Variants in IFNAR2 observed in about 807,000 individuals in gnomAD.
IFNAR2 encodes interferon alpha/beta receptor 2.
IFNAR2 carries 30 observed loss-of-function variants against 49.4 expected under a neutral mutation model. The observed-to-expected ratio is 0.61, with a 90% CI of 0.45 to 0.82. The LOEUF is 0.82. IFNAR2 is among the 40% of genes least tolerant of loss of function. IFNAR2 has a pLI of 0.00. For missense variants in IFNAR2, 600 were observed against 622.7 expected, an observed-to-expected ratio of 0.96 and a Z score of 0.39; for synonymous variants, 224 against 234.5, an observed-to-expected ratio of 0.96 and a Z score of 0.41.
intron 7 of IFNAR2, among the ~76,000 whole-genome samples, chr21:33,253,216 G>A (rs1775468786): frequency 1.3e-5 from 2 of 152,168 alleles, no homozygotes; most frequent in African/African-American, 4.8e-5. Flanking sequence ...TGGAAGCAGC[G>A]AGGTTGGGTG....
intron 7 of IFNAR2, among the ~76,000 whole-genome samples, chr21:33,254,707 G>GACC (rs1249389550): frequency 6.6e-6 from 1 of 152,074 alleles, no homozygotes; most frequent in Admixed American, 6.5e-5. Context: ...ATCTACCTAT[G>GACC]ACCTGGAAGC....
At chr21:33,254,309 A>T (rs1988065978) in intron 7 of IFNAR2, among the ~76,000 whole-genome samples, 1 of 152,168 alleles carries the variant, frequency 6.6e-6, no homozygotes, top group Non-Finnish European at 1.5e-5. Flanking sequence ...TTAAAACAGA[A>T]ACCTTAAGAC....
At chr21:33,242,105 C>T (rs1256565233) in intron 2 of IFNAR2, 128 bp downstream of exon 2, 3 of 755,662 alleles carry the variant, frequency 4.0e-6, no homozygotes, top group African/African-American at 1.8e-5. Context: ...TGCCTAGTGT[C>T]AGGAGTTAAG....
At chr21:33,236,931 A>G (rs1055997291) in intron 1 of IFNAR2, 15 of 965,354 alleles carry the variant, frequency 1.6e-5, no homozygotes, top group Non-Finnish European at 1.8e-5. Context: ...AAGGAGCTCC[A>G]TTAACAATTT....
At chr21:33,260,511 TA>T in intron 7 of IFNAR2, 85 bp from the exon 8 acceptor site, 1 of 1,270,258 alleles carries the variant, frequency 7.9e-7, no homozygotes, top group Non-Finnish European at 1.1e-6. Flanking sequence ...GATCATCTTG[TA>T]ACACCAGGCC....
At position 33,263,424 on chromosome 21, in the gene IFNAR2, C is replaced by T. The variant is rs747865261; in HGVS notation, c.1472C>T (p.Ser491Phe). 6 of 1,614,016 alleles carry T rather than the reference C, an allele frequency of 3.7e-6. No homozygotes were observed. The South Asian group carries it at 5.5e-5, about 15-fold the overall frequency. Reference protein sequence around the residue: ...FPSPSSEGLWSEDAPSDQSDT... With the variant: ...FPSPSSEGLWFEDAPSDQSDT... ...AGCCCCTCTTCAGAGGGCCTGTGGT[C>T]CGAAGATGCTCCATCTGATCAAAGT... The change falls in exon 9 of 9, where the codon TCC becomes TTC. Residue 491 changes from serine (S) to phenylalanine (F), a missense_variant. Coordinates refer to ENST00000342136, the MANE Select transcript of IFNAR2 (RefSeq NM_001289125.3).
Position 33,230,959 on chromosome 21 carries a change from C to T in IFNAR2, c.-84+743C>T, listed in dbSNP as rs1986014218. Among the ~76,000 whole-genome samples the T allele has an allele frequency of 6.6e-6, 1 of 152,130 alleles. No individual in the cohort carries two copies. The highest frequency in any genetic ancestry group is 1.5e-5 in the Non-Finnish European group (1 of 68,000). Reference sequence around the variant, plus strand: ...TCCATCAGCCCGTTTATTTGGTTAGCGATGGTTATATTGACTCTGAGTATT... The same window carrying T: ...TCCATCAGCCCGTTTATTTGGTTAGTGATGGTTATATTGACTCTGAGTATT... On this transcript the variant is annotated intron_variant, in intron 1 of 8. Coordinates refer to ENST00000342136, the MANE Select transcript of IFNAR2 (RefSeq NM_001289125.3). This position sits in a 1 kb window ranked among gnomAD's most constrained non-coding sequence, Gnocchi z 5.5.
rs1601799494 is a variant in IFNAR2, at chr21:33,244,985, A to G, written c.132A>G (p.Ser44=). 11 of 1,610,498 alleles carry G rather than the reference A, an allele frequency of 6.8e-6. No homozygotes were observed. Among genetic ancestry groups the G allele is most frequent in the Non-Finnish European group, 9.3e-6 (11 of 1,177,234 alleles). Residue 44 remains serine, a synonymous_variant, in exon 4 of 9, where the codon TCA becomes TCG. Coordinates refer to ENST00000342136, the MANE Select transcript of IFNAR2 (RefSeq NM_001289125.3). ...YTDESCTFKI[S]LRNFRSILSW... Reference sequence around the variant, plus strand: ...ATGAATCTTGCACTTTCAAGATATCATTGCGAAATTTCCGGTCCATCTTAT... The same window carrying G: ...ATGAATCTTGCACTTTCAAGATATCGTTGCGAAATTTCCGGTCCATCTTAT...
chr21:33,253,969 GC>G (rs957654244), intron 7 of IFNAR2, among the ~76,000 whole-genome samples: 1 of 152,152 alleles, frequency 6.6e-6, no homozygotes, highest in African/African-American at 2.4e-5. Flanking sequence ...TGGGAATGCA[GC>G]CCAGTAGGTC....
chr21:33,262,553 T>G, intron 8 of IFNAR2: 1 of 698,354 alleles, frequency 1.4e-6, no homozygotes, highest in Non-Finnish European at 2.6e-6. Flanking sequence ...TATTTTTTAT[T>G]TTTTTAGAGG....
intron 3 of IFNAR2, among the ~76,000 whole-genome samples, chr21:33,244,580 G>A (rs948009108): frequency 8.5e-5 from 13 of 152,152 alleles, no homozygotes; most frequent in Admixed American, 2.0e-4. Flanking sequence ...ACGGCTTGGG[G>A]AGGGAGAATG....
rs767280634 is a variant in IFNAR2, at chr21:33,252,730, C to T, written c.609C>T (p.Asn203=). The change falls in exon 7 of 9, where the codon AAC becomes AAT. Residue 203 remains asparagine (N), a synonymous_variant. Coordinates refer to ENST00000342136, the MANE Select transcript of IFNAR2 (RefSeq NM_001289125.3). ...FTYIIDKLIP[N]TNYCVSVYLE... is the part of the protein sequence containing the mutation. ...ATATCATTGACAAGTTAATTCCAAA[C>T]ACGAACTACTGTGTATCTGTTTATT... 1.7e-5 allele frequency: 28 copies of T among 1,613,512 alleles called. No homozygotes were observed. In the East Asian group the frequency reaches 5.6e-4, roughly 32 times the overall value.
chr21:33,235,330 C>G (rs1986366461), intron 1 of IFNAR2, among the ~76,000 whole-genome samples: 1 of 152,234 alleles, frequency 6.6e-6, no homozygotes, highest in Non-Finnish European at 1.5e-5. Flanking sequence ...TGGAGTCACT[C>G]TGGTTCCAAC....
chr21:33,247,674 CAGG>C (rs1372778964), intron 5 of IFNAR2, among the ~76,000 whole-genome samples: 1 of 152,234 alleles, frequency 6.6e-6, no homozygotes, highest in Non-Finnish European at 1.5e-5. Context: ...ACCCCAAGAA[CAGG>C]CCTACCCCTT....
At position 33,263,684 on chromosome 21, in the gene IFNAR2, T is replaced by C; in HGVS notation, c.*184T>C. The C allele has an allele frequency of 1.7e-6, 1 of 601,806 alleles. No homozygotes were observed. The highest frequency in any genetic ancestry group is 2.9e-6 in the Non-Finnish European group (1 of 342,122). The allele number at this position is 601,806 out of a possible 1,614,324, so 37.3% of individuals were successfully genotyped here. A position where few individuals can be genotyped will look rare whatever the true frequency, so the allele number is the denominator to read the frequency against. The stretch of plus-strand genomic sequence containing the variant: ...CCCAGTATGGGGACCATAGTATCAT[T>C]CAGTGCATTGTTTACATATTCAAAG... On this transcript the variant is annotated 3_prime_UTR_variant, in exon 9 of 9. Coordinates refer to ENST00000342136, the MANE Select transcript of IFNAR2 (RefSeq NM_001289125.3).
At chr21:33,232,387 A>G (rs1986126414) in intron 1 of IFNAR2, among the ~76,000 whole-genome samples, 1 of 152,044 alleles carries the variant, frequency 6.6e-6, no homozygotes, top group Non-Finnish European at 1.5e-5. Flanking sequence ...AAGGAGGGAA[A>G]AAGAGAGGTA....
rs771202405 is a variant in IFNAR2, at chr21:33,230,533, T to A, written c.-84+317T>A. ...CCCACCCCACCAAGGATGCCCAGGATACCGGGCATTTGCCACTGCAAGATG... is the reference window on the plus strand; with the variant it reads ...CCCACCCCACCAAGGATGCCCAGGAAACCGGGCATTTGCCACTGCAAGATG... On this transcript the variant is annotated intron_variant, in intron 1 of 8. Coordinates refer to ENST00000342136, the MANE Select transcript of IFNAR2 (RefSeq NM_001289125.3). This position sits in a 1 kb window ranked among gnomAD's most constrained non-coding sequence, Gnocchi z 5.5. 2 of 470,970 alleles carry A rather than the reference T, an allele frequency of 4.2e-6. No individual in the cohort carries two copies. The highest frequency in any genetic ancestry group is 3.1e-5 in the South Asian group (2 of 64,538). 29.2% of individuals were successfully genotyped at this position (470,970 alleles called of 1,614,324 possible).
chr21:33,246,072 ATT>A (rs35111583), intron 4 of IFNAR2, among the ~76,000 whole-genome samples: 9 of 139,552 alleles, frequency 6.4e-5, no homozygotes, highest in East Asian at 2.1e-4. Flanking sequence ...TCATCCGGCA[ATT>A]TTTTTTTTTT....
chr21:33,260,191 C>A (rs1418388479), intron 7 of IFNAR2, among the ~76,000 whole-genome samples: 1 of 152,182 alleles, frequency 6.6e-6, no homozygotes. Flanking sequence ...TGTTTTCAAG[C>A]AAACTTTCCT....
Sources: allele counts gnomAD v4.1 joint callset (sites outside exome capture counted in the v4.1 genomes callset), GRCh38; gene constraint gnomAD v4.1.1; non-coding constraint Gnocchi (gnomAD v3.1); transcripts MANE v1.5; gene names NCBI Gene and HGNC (gene_info 2026-07-23, HGNC 2026-07-21).